TTC29: variants seen among roughly 807,000 people sequenced by gnomAD.
TTC29 encodes tetratricopeptide repeat protein 29.
In TTC29, 49 loss-of-function variants were observed where a neutral mutation model predicts 58.1. The observed-to-expected ratio is 0.84, with a 90% CI of 0.67 to 1.07. The LOEUF (loss-of-function observed/expected upper bound fraction) is 1.07. Ranked by LOEUF, TTC29 falls within the 50% of genes least tolerant of loss-of-function variation. The probability of loss-of-function intolerance (pLI) is 0.00; values close to 1 mark genes in which losing one functional copy is unlikely to be tolerated. For missense variants in TTC29, 582 were observed against 555.6 expected (o/e 1.05, Z -0.48); for synonymous variants, 209 against 196.8 (o/e 1.06, Z -0.52).
chr4:146,909,207 C>A lies in TTC29; in HGVS notation c.219G>T (p.Leu73=). The A allele has an allele frequency of 3.1e-6, 5 of 1,613,432 alleles. No individual in the cohort carries two copies. Among genetic ancestry groups the A allele is most frequent in the Non-Finnish European group, 4.2e-6 (5 of 1,179,788 alleles). The change falls in exon 5 of 13, where the codon CTG becomes CTT. Residue 73 remains leucine (L), a synonymous_variant. Transcript: ENST00000325106. ...SYKKNICVDM[L]RDGYHKSFTE... ...TGAAGGACTTATGATAACCATCTCG[C>A]AGCATGTCCACACAGATATTCTTCT... is the stretch of plus-strand genomic sequence containing the variant.
intron 8 of TTC29, among the ~76,000 whole-genome samples, chr4:146,852,049 C>A (rs1729547231): frequency 6.6e-6 from 1 of 152,194 alleles, no homozygotes; most frequent in African/African-American, 2.4e-5. Flanking sequence ...GATTCTCCTG[C>A]CTCAGCCAAC....
At chr4:146,796,731 T>C (rs1459684893) in intron 11 of TTC29, among the ~76,000 whole-genome samples, 1 of 152,196 alleles carries the variant, frequency 6.6e-6, no homozygotes, top group East Asian at 1.9e-4. Context: ...TGTTTATTTA[T>C]TTTTAGATTT....
chr4:146,916,829 G>A lies in TTC29; in HGVS notation c.177-7580C>T, dbSNP rs139528481. ...ATTCTATCTCATCCATCTGGTAACA[G>A]CAAAACATGTAGCTGTCTATGAGAT... On this transcript the variant is annotated intron_variant, in intron 4 of 12. Transcript: ENST00000325106. 2.4e-4 allele frequency among the ~76,000 whole-genome samples: 37 copies of A among 151,482 alleles called. No individual in the cohort carries two copies. The East Asian group carries it at 7.0e-3, about 28-fold the overall frequency.
chr4:146,881,293 T>C (rs1197068906), intron 6 of TTC29, among the ~76,000 whole-genome samples: 7 of 152,150 alleles, frequency 4.6e-5, no homozygotes, highest in Non-Finnish European at 8.8e-5. Flanking sequence ...AACAATTGCA[T>C]AAAAATAATT....
At chr4:146,871,223 A>C (rs1428897488) in intron 7 of TTC29, among the ~76,000 whole-genome samples, 1 of 151,948 alleles carries the variant, frequency 6.6e-6, no homozygotes, top group Non-Finnish European at 1.5e-5. Context: ...AATAGGATAA[A>C]AGACAAAAAC....
At chr4:146,816,564 A>C (rs1322326287) in intron 10 of TTC29, among the ~76,000 whole-genome samples, 1 of 152,066 alleles carries the variant, frequency 6.6e-6, no homozygotes, top group Non-Finnish European at 1.5e-5. Flanking sequence ...CAGGGGTCAG[A>C]GAGCAAGGAG....
chr4:146,834,772 C>T (rs978901667), intron 8 of TTC29, among the ~76,000 whole-genome samples: 1 of 152,146 alleles, frequency 6.6e-6, no homozygotes, highest in Non-Finnish European at 1.5e-5. Flanking sequence ...TCTGCTACTG[C>T]CTGAATCAGG....
intron 11 of TTC29, among the ~76,000 whole-genome samples, chr4:146,798,830 T>A (rs1750008966): frequency 1.5e-5 from 2 of 130,802 alleles, no homozygotes; most frequent in East Asian, 4.5e-4. Context: ...GAGCTTGTAA[T>A]GAGCCGAGAT....
intron 8 of TTC29, among the ~76,000 whole-genome samples, chr4:146,835,533 T>C (rs1463700436): frequency 6.6e-6 from 1 of 152,184 alleles, no homozygotes; most frequent in East Asian, 1.9e-4. Flanking sequence ...AAATAGTTCA[T>C]TTGTTTTTTT....
At chr4:146,907,820 T>C (rs1733629242) in intron 5 of TTC29, among the ~76,000 whole-genome samples, 1 of 152,148 alleles carries the variant, frequency 6.6e-6, no homozygotes, top group Admixed American at 6.6e-5. Flanking sequence ...TTTTTTATAA[T>C]AGCACTTTTT....
intron 11 of TTC29, among the ~76,000 whole-genome samples, chr4:146,762,351 T>C (rs1050907516): frequency 2.0e-5 from 3 of 151,280 alleles, no homozygotes; most frequent in African/African-American, 7.3e-5. Flanking sequence ...AATTTCTTTT[T>C]TTTTTTTTTT....
At chr4:146,728,609 T>C (rs1258038064) in intron 11 of TTC29, among the ~76,000 whole-genome samples, 1 of 150,690 alleles carries the variant, frequency 6.6e-6, no homozygotes, top group Admixed American at 6.6e-5. Context: ...TTTATTTATT[T>C]ATTTATTTTA....
At chr4:146,901,093 G>C (rs1238324965) in intron 6 of TTC29, among the ~76,000 whole-genome samples, 1 of 152,066 alleles carries the variant, frequency 6.6e-6, no homozygotes, top group African/African-American at 2.4e-5. Context: ...GAATTTGATG[G>C]TGTAATTACA....
At chr4:146,752,523 C>A (rs1195210979) in intron 11 of TTC29, among the ~76,000 whole-genome samples, 45 of 151,718 alleles carry the variant, frequency 3.0e-4, no homozygotes, top group South Asian at 1.9e-3. Context: ...GCTACCAATG[C>A]CTTTCTTCAC....
At chr4:146,861,656 T>C (rs1730240052) in intron 8 of TTC29, among the ~76,000 whole-genome samples, 1 of 152,330 alleles carries the variant, frequency 6.6e-6, no homozygotes, top group Non-Finnish European at 1.5e-5. Context: ...ACTGTATTAA[T>C]ACTTTACTGA....
chr4:146,831,752 C>T (rs1413511105), intron 9 of TTC29: 1 of 451,614 alleles, frequency 2.2e-6, no homozygotes, highest in Non-Finnish European at 4.5e-6. Context: ...AGATAAGAAG[C>T]AAGGCTAAGA....
chr4:146,732,038 C>A (rs1377238696), intron 11 of TTC29, among the ~76,000 whole-genome samples: 1 of 152,042 alleles, frequency 6.6e-6, no homozygotes, highest in African/African-American at 2.4e-5. Context: ...CCAGAAGTAA[C>A]AAGTTTTGGA....
At chr4:146,928,193 T>G (rs1457217281) in intron 4 of TTC29, among the ~76,000 whole-genome samples, 1 of 152,116 alleles carries the variant, frequency 6.6e-6, no homozygotes, top group Non-Finnish European at 1.5e-5. Context: ...CCTGAGTATT[T>G]TCAGAGGCAG....
chr4:146,866,800 T>C (rs1432332544), intron 8 of TTC29, among the ~76,000 whole-genome samples: 1 of 152,130 alleles, frequency 6.6e-6, no homozygotes, highest in Non-Finnish European at 1.5e-5. Flanking sequence ...TAAAAATTAA[T>C]CCAATATTGT....
Sources: gnomAD v4.1 joint callset for allele counts (sites outside exome capture counted in the v4.1 genomes callset) on GRCh38, gnomAD v4.1.1 for gene constraint, MANE v1.5 for transcripts, NCBI Gene and HGNC (gene_info 2026-07-23, HGNC 2026-07-21) for gene names.